Variants in RAD54L observed in about 807,000 individuals in gnomAD.
The protein encoded by RAD54L is RAD54 like, also known as DNA repair and recombination protein RAD54-like.
In RAD54L, 74 loss-of-function variants were observed where a neutral mutation model predicts 91.6. That is an observed-to-expected ratio of 0.81 (90% CI 0.67 to 0.98). The LOEUF is 0.98. Ranked by LOEUF, RAD54L falls within the 50% of genes least tolerant of loss-of-function variation. The probability of loss-of-function intolerance (pLI) is 0.00; values close to 1 mark genes in which losing one functional copy is unlikely to be tolerated. For synonymous variants in RAD54L, 304 were observed against 349.7 expected (o/e 0.87, Z 1.46); for missense variants, 887 against 945.7 (o/e 0.94, Z 0.81).
chr1:46,262,178 C>G (rs1410834072), intron 8 of RAD54L, among the ~76,000 whole-genome samples: 2 of 151,986 alleles, frequency 1.3e-5, no homozygotes, highest in Non-Finnish European at 2.9e-5. Flanking sequence ...CTTTGGGAGG[C>G]TGAGGCGGGC....
chr1:46,272,599 TG>T lies in RAD54L; in HGVS notation c.1244+62del, dbSNP rs1660465729. On this transcript the variant is annotated intron_variant, in intron 11 of 17. Coordinates refer to ENST00000371975, the MANE Select transcript of RAD54L (RefSeq NM_003579.4). ...CAAAGCCTAGCTCCTGAAGCATGGC[TG>T]GGCTCTCAAGGTGTTCTCAGAGGGC... 7.4e-6 allele frequency: 12 copies of T among 1,612,236 alleles called. No homozygotes were observed. The South Asian group carries it at 7.7e-5, about 10-fold the overall frequency.
intron 3 of RAD54L, among the ~76,000 whole-genome samples, chr1:46,257,659 C>A (rs1199585641): frequency 6.6e-6 from 1 of 152,184 alleles, no homozygotes; most frequent in Non-Finnish European, 1.5e-5. Context: ...CACCCTTGTC[C>A]CACTTGCTTT....
At position 46,261,201 on chromosome 1, in the gene RAD54L, T is replaced by G. The variant is rs2148288982; in HGVS notation, c.767-60T>G. 8 of 1,600,402 alleles carry G rather than the reference T, an allele frequency of 5.0e-6. No homozygotes were observed. In the South Asian group the frequency reaches 8.9e-5, roughly 18 times the overall value. On this transcript the variant is annotated intron_variant, in intron 7 of 17. Transcript: ENST00000371975. ...ATTAAAGAACTGTCTAATTGTTTTT[T>G]TTGTTTTTTTTTTTTTCAAAAGATT... is the stretch of plus-strand genomic sequence containing the variant.
intron 16 of RAD54L, among the ~76,000 whole-genome samples, chr1:46,276,636 GGTCATCT>G (rs1265945201): frequency 6.6e-6 from 1 of 152,148 alleles, no homozygotes; most frequent in Non-Finnish European, 1.5e-5. Flanking sequence ...CTGAGGTCAT[GGTCATCT>G]GTCACTTGGA....
At position 46,277,832 on chromosome 1, in the gene RAD54L, GAGA is replaced by G. The variant is rs768106067; in HGVS notation, c.1889_1891del (p.Lys630del). ...TCTTCCCCAGGCAGGGACCATTGAG[GAGA>G]AGATCTTCCAGCGTCAGAGCCACAA... On this transcript the variant is annotated inframe_deletion, in exon 17 of 18. Coordinates refer to ENST00000371975, the MANE Select transcript of RAD54L (RefSeq NM_003579.4). The G allele has an allele frequency of 1.1e-5, 18 of 1,610,284 alleles. No homozygotes were observed. The highest frequency in any genetic ancestry group is 6.7e-5 in the African/African-American group (5 of 74,814).
rs1379975337 is a variant in RAD54L at position 46,278,175 on chromosome 1, T to G, written c.2137T>G (p.Trp713Gly). The part of the protein sequence containing the change: ...LAGWNHCTDK[W>G]GLRDEVLQAA... ...AGGGTGGAACCACTGCACTGATAAG[T>G]GGGGGCTCCGGGATGAGGTACTCCA... The change falls in exon 18 of 18, where the codon TGG becomes GGG. Residue 713 changes from tryptophan to glycine, a missense_variant. Coordinates refer to ENST00000371975, the MANE Select transcript of RAD54L (RefSeq NM_003579.4). The G allele has an allele frequency of 1.2e-6, 2 of 1,613,750 alleles. No individual in the cohort carries two copies. The highest frequency in any genetic ancestry group is 1.7e-5 in the Admixed American group (1 of 59,984).
Position 46,260,845 on chromosome 1 carries a change from C to T in RAD54L, c.596C>T (p.Thr199Ile). The change falls in exon 7 of 18, where the codon ACA (threonine) becomes ATA (isoleucine). Residue 199 changes from threonine to isoleucine, a missense_variant. Coordinates refer to ENST00000371975, the MANE Select transcript of RAD54L (RefSeq NM_003579.4). The part of the protein sequence containing the change: ...KTLQCITLMW[T>I]LLRQSPECKP... ...CTGCAGTGCATCACATTGATGTGGA[C>T]ACTTTTACGCCAGAGTCCAGAGTGC... 6.2e-7 allele frequency: 1 copy of T among 1,614,198 alleles called. No homozygotes were observed. The highest frequency in any genetic ancestry group is 1.7e-5 in the Admixed American group (1 of 60,020).
intron 9 of RAD54L, among the ~76,000 whole-genome samples, chr1:46,268,560 C>T (rs1246661615): frequency 1.3e-5 from 2 of 152,156 alleles, no homozygotes; most frequent in Admixed American, 6.5e-5. Context: ...CCTTTTGTCC[C>T]GGCAGCAAAC....
At chr1:46,275,253 A>G (rs1660559834) in intron 16 of RAD54L, among the ~76,000 whole-genome samples, 1 of 152,166 alleles carries the variant, frequency 6.6e-6, no homozygotes, top group East Asian at 1.9e-4. Flanking sequence ...GTTATCCAGC[A>G]CTCTGGCCTT....
chr1:46,248,827 G>T (rs1395465508), intron 2 of RAD54L, among the ~76,000 whole-genome samples: 2 of 152,176 alleles, frequency 1.3e-5, no homozygotes, highest in Non-Finnish European at 2.9e-5. Flanking sequence ...GGTGGGAAAA[G>T]ATAAGCAAAA....
chr1:46,261,195 G>GTTTTT (rs1277499745), intron 7 of RAD54L, 66 bp from the exon 8 acceptor site: 27 of 1,555,060 alleles, frequency 1.7e-5, no homozygotes, highest in Middle Eastern at 1.7e-4. Context: ...CTGTCTAATT[G>GTTTTT]TTTTTTTTGT....
chr1:46,259,856 G>C (rs1660047991), intron 4 of RAD54L, 108 bp from the exon 5 acceptor site: 1 of 1,418,020 alleles, frequency 7.1e-7, no homozygotes, highest in South Asian at 1.2e-5. Flanking sequence ...AGAGAGAGAG[G>C]GTCATATGGG....
Position 46,248,362 on chromosome 1 carries a change from C to G in RAD54L, c.-44C>G, listed in dbSNP as rs542745601. 11 of 1,612,600 alleles carry G rather than the reference C, an allele frequency of 6.8e-6. No individual in the cohort carries two copies. The highest frequency in any genetic ancestry group is 5.3e-5 in the African/African-American group (4 of 74,982). Reference sequence around the variant, plus strand: ...CTCTTAGCCGCTGCCTGCTTTTGACCTTTGGCTCATGGGTACTTGACGTTT... The same window carrying G: ...CTCTTAGCCGCTGCCTGCTTTTGACGTTTGGCTCATGGGTACTTGACGTTT... On this transcript the variant is annotated 5_prime_UTR_variant, in exon 1 of 18. Coordinates refer to ENST00000371975, the MANE Select transcript of RAD54L (RefSeq NM_003579.4).
chr1:46,256,911 A>G (rs1659956743), intron 3 of RAD54L, among the ~76,000 whole-genome samples: 1 of 152,220 alleles, frequency 6.6e-6, no homozygotes, highest in South Asian at 2.1e-4. Context: ...TGGGAGGCCA[A>G]GGTGGACGGA....
Position 46,278,409 on chromosome 1 carries a change from C to T in RAD54L, c.*127C>T. The stretch of plus-strand genomic sequence containing the variant: ...ATCAAGAAGGGCTGCATGATGTTTG[C>T]CCAAAATTTATTTTATAAGAAAAAC... On this transcript the variant is annotated 3_prime_UTR_variant, in exon 18 of 18. Transcript: ENST00000371975. The T allele has an allele frequency of 9.0e-7, 1 of 1,114,734 alleles. No homozygotes were observed. Among genetic ancestry groups the T allele is most frequent in the Non-Finnish European group, 1.3e-6 (1 of 770,884 alleles). 69.1% of individuals were successfully genotyped at this position (1,114,734 alleles called of 1,614,324 possible).
Position 46,267,743 on chromosome 1 carries a change from C to G in RAD54L, c.1042+134C>G. Reference sequence around the variant, plus strand: ...ACTAGGCATTCTTGTAGGAAGGCTTCTCTTGTCAGGGAGTAGCAAAGCCAT... The same window carrying G: ...ACTAGGCATTCTTGTAGGAAGGCTTGTCTTGTCAGGGAGTAGCAAAGCCAT... On this transcript the variant is annotated intron_variant, in intron 9 of 17. Transcript: ENST00000371975. 3.2e-6 allele frequency: 4 copies of G among 1,245,620 alleles called. No individual in the cohort carries two copies. In the South Asian group the frequency reaches 5.1e-5, roughly 16 times the overall value. The allele number at this position is 1,245,620 out of a possible 1,614,324, so 77.2% of individuals were successfully genotyped here. A position where few individuals can be genotyped will look rare whatever the true frequency, so the allele number is the denominator to read the frequency against.
chr1:46,276,816 T>C (rs1660618352), intron 16 of RAD54L, among the ~76,000 whole-genome samples: 1 of 152,224 alleles, frequency 6.6e-6, no homozygotes, highest in African/African-American at 2.4e-5. Flanking sequence ...TTTTTGTTTT[T>C]TGAGATGGAG....
intron 14 of RAD54L, 127 bp downstream of exon 14, chr1:46,273,874 T>C: frequency 7.3e-7 from 1 of 1,362,864 alleles, no homozygotes; most frequent in Non-Finnish European, 1.0e-6. Context: ...ATATCTTCCC[T>C]TATTGCTATG....
At chr1:46,253,937 T>C (rs924614937) in intron 3 of RAD54L, among the ~76,000 whole-genome samples, 2 of 151,994 alleles carry the variant, frequency 1.3e-5, no homozygotes, top group African/African-American at 2.4e-5. Context: ...GATTATATTA[T>C]TATAGTTATC....
Sources: gnomAD v4.1 joint callset for allele counts (sites outside exome capture counted in the v4.1 genomes callset) on GRCh38, gnomAD v4.1.1 for gene constraint, MANE v1.5 for transcripts, NCBI Gene and HGNC (gene_info 2026-07-23, HGNC 2026-07-21) for gene names.